TM9SF2: variants seen among roughly 807,000 people sequenced by gnomAD.
The protein encoded by TM9SF2 is 76 kDa membrane protein.
A neutral mutation model predicts 84.9 loss-of-function variants in TM9SF2; 13 were observed. The ratio of observed to expected loss-of-function variants is 0.15; its 90% CI spans 0.10 to 0.24. TM9SF2 has a LOEUF of 0.24. Among genes scored for constraint, TM9SF2 ranks in the 10% least tolerant of loss-of-function variants. The probability of loss-of-function intolerance (pLI) is 1.00; values close to 1 mark genes in which losing one functional copy is unlikely to be tolerated. For missense variants in TM9SF2, 562 were observed against 818.5 expected (o/e 0.69, Z 3.82); for synonymous variants, 273 against 285.8 (o/e 0.96, Z 0.45).
chr13:99,560,185 G>A (rs781761881), intron 16 of TM9SF2, among the ~76,000 whole-genome samples: 2 of 152,160 alleles, frequency 1.3e-5, no homozygotes, highest in East Asian at 3.8e-4. Context: ...CACAAGTAAC[G>A]CTGCCCGAAG....
Position 99,536,660 on chromosome 13 carries a change from A to C in TM9SF2, c.514A>C (p.Arg172=), listed in dbSNP as rs763924156. The stretch of plus-strand genomic sequence containing the variant: ...GTGTTACGATGTTGAAGATGGTCAG[A>C]GGTTCTGTAATCCTGGATTTCCTAT... ...TWCYDVEDGQ[R]FCNPGFPIGC... is the part of the protein sequence containing the mutation. Residue 172 remains arginine, a synonymous_variant, in exon 5 of 17, where the codon AGG becomes CGG. Coordinates refer to ENST00000376387, the MANE Select transcript of TM9SF2 (RefSeq NM_004800.3). The C allele has an allele frequency of 6.2e-7, 1 of 1,613,822 alleles. No homozygotes were observed. Among genetic ancestry groups the C allele is most frequent in the East Asian group, 2.2e-5 (1 of 44,846 alleles).
intron 4 of TM9SF2, among the ~76,000 whole-genome samples, chr13:99,531,108 CT>C (rs1292233602): frequency 2.6e-5 from 4 of 152,182 alleles, no homozygotes; most frequent in Admixed American, 6.5e-5. Context: ...AGATCCGCCC[CT>C]CTCAGCCTCC....
chr13:99,557,957 CTCATGTATTTAAG>C (rs1199889142), intron 15 of TM9SF2, among the ~76,000 whole-genome samples: 1 of 152,134 alleles, frequency 6.6e-6, no homozygotes, highest in Non-Finnish European at 1.5e-5. Flanking sequence ...ATAGCTTTAC[CTCATGTATTTAAG>C]TCATTGATCT....
rs2046353894 is a variant in TM9SF2 at position 99,563,826 on chromosome 13, C to G, written c.*1068C>G. 6.6e-6 allele frequency: 1 copy of G among 152,166 alleles called. No homozygotes were observed. Among genetic ancestry groups the G allele is most frequent in the Non-Finnish European group, 1.5e-5 (1 of 68,030 alleles). 9.4% of individuals were successfully genotyped at this position (152,166 alleles called of 1,614,324 possible). A position where few individuals can be genotyped will look rare whatever the true frequency, so the allele number is the denominator to read the frequency against. On this transcript the variant is annotated 3_prime_UTR_variant, in exon 17 of 17. Coordinates refer to ENST00000376387, the MANE Select transcript of TM9SF2 (RefSeq NM_004800.3). Reference sequence around the variant, plus strand: ...TTACTTCTAAGAGTTAAGAAATGCACTGTCTTTCACATTCATCTGACTAAT... The same window carrying G: ...TTACTTCTAAGAGTTAAGAAATGCAGTGTCTTTCACATTCATCTGACTAAT...
chr13:99,537,692 T>G (rs552166175), intron 5 of TM9SF2, 47 bp from the exon 6 acceptor site: 4 of 1,506,882 alleles, frequency 2.7e-6, no homozygotes, highest in Non-Finnish European at 3.6e-6. Context: ...GTTTTGACTC[T>G]TATGTAGTCA....
At chr13:99,546,757 G>A (rs866370874) in intron 10 of TM9SF2, among the ~76,000 whole-genome samples, 2 of 152,058 alleles carry the variant, frequency 1.3e-5, no homozygotes, top group Non-Finnish European at 1.5e-5. Context: ...CTCTCATTCT[G>A]GACTCTGAGA....
chr13:99,527,311 A>G (rs2046187985), intron 3 of TM9SF2, among the ~76,000 whole-genome samples: 1 of 152,174 alleles, frequency 6.6e-6, no homozygotes, highest in Non-Finnish European at 1.5e-5. Context: ...TTATAAAGAA[A>G]AGTGGTTTAA....
At chr13:99,550,648 A>AT (rs750844263) in intron 12 of TM9SF2, among the ~76,000 whole-genome samples, 18 of 152,200 alleles carry the variant, frequency 1.2e-4, no homozygotes, top group Non-Finnish European at 2.6e-4. Context: ...TCACCTAGGA[A>AT]TAGAAGGATC....
intron 1 of TM9SF2, among the ~76,000 whole-genome samples, chr13:99,512,008 G>A (rs1053598408): frequency 1.3e-5 from 2 of 152,166 alleles, no homozygotes; most frequent in African/African-American, 4.8e-5. Flanking sequence ...TAGACTAGTG[G>A]CCAGGACAAG....
At chr13:99,505,985 G>C (rs1298065651) in intron 1 of TM9SF2, among the ~76,000 whole-genome samples, 2 of 152,082 alleles carry the variant, frequency 1.3e-5, no homozygotes, top group Non-Finnish European at 1.5e-5. Flanking sequence ...TTCCTTTGCT[G>C]TAAGGAAAAA....
intron 15 of TM9SF2, among the ~76,000 whole-genome samples, chr13:99,559,097 G>T (rs1018857868): frequency 6.6e-5 from 10 of 152,170 alleles, no homozygotes; most frequent in African/African-American, 2.4e-4. Context: ...ACAGCCTAAT[G>T]TTTTATTATT....
intron 1 of TM9SF2, among the ~76,000 whole-genome samples, chr13:99,512,235 A>G (rs1594045306): frequency 6.6e-6 from 1 of 152,300 alleles, no homozygotes; most frequent in South Asian, 2.1e-4. Context: ...ATTATTTGTT[A>G]TAGTTATTGT....
At chr13:99,554,164 A>G (rs2046317159) in intron 13 of TM9SF2, 140 bp from the exon 14 acceptor site, 1 of 977,324 alleles carries the variant, frequency 1.0e-6, no homozygotes, top group Non-Finnish European at 1.5e-6. Flanking sequence ...GACAAATTTC[A>G]GTTTGATGTC....
chr13:99,517,827 ATCTTTTTTTTAATGTT>A (rs72367926), intron 2 of TM9SF2, 146 bp downstream of exon 2: 75,286 of 430,290 alleles, frequency 0.17, 7,380 homozygotes, highest in Non-Finnish European at 0.2. Context: ...TAAAAATGTG[ATCTTTTTTTTAATGTT>A]TCTTTGTAAT....
intron 1 of TM9SF2, among the ~76,000 whole-genome samples, chr13:99,507,143 A>G (rs767127720): frequency 9.2e-5 from 14 of 152,234 alleles, no homozygotes; most frequent in Non-Finnish European, 1.5e-4. Flanking sequence ...CAGAAGCTCA[A>G]TAAGATTTAG....
intron 1 of TM9SF2, among the ~76,000 whole-genome samples, chr13:99,515,224 A>T (rs1351839913): frequency 6.6e-6 from 1 of 152,228 alleles, no homozygotes; most frequent in African/African-American, 2.4e-5. Context: ...AGAGATAGGA[A>T]CTGGACTAGT....
intron 15 of TM9SF2, among the ~76,000 whole-genome samples, chr13:99,556,540 A>G (rs2046325069): frequency 6.8e-6 from 1 of 147,420 alleles, no homozygotes; most frequent in Non-Finnish European, 1.5e-5. Context: ...TTCAGGGTTC[A>G]TCATATCATG....
At chr13:99,547,546 A>G (rs145983807) in intron 11 of TM9SF2, among the ~76,000 whole-genome samples, 63 of 152,358 alleles carry the variant, frequency 4.1e-4, no homozygotes, top group Admixed American at 1.4e-3. Flanking sequence ...TCAATTTAAT[A>G]TTTATAAAAA....
intron 10 of TM9SF2, among the ~76,000 whole-genome samples, chr13:99,544,252 G>T (rs928382175): frequency 6.6e-6 from 1 of 151,752 alleles, no homozygotes; most frequent in African/African-American, 2.4e-5. Flanking sequence ...TGGGGCTGAG[G>T]CAGTAGCTTG....
Sources: gnomAD v4.1 joint callset for allele counts (sites outside exome capture counted in the v4.1 genomes callset) on GRCh38, gnomAD v4.1.1 for gene constraint, MANE v1.5 for transcripts, NCBI Gene and HGNC (gene_info 2026-07-23, HGNC 2026-07-21) for gene names.